KRT10: variants seen among roughly 807,000 people sequenced by gnomAD.
The protein encoded by KRT10 is keratin 10, also known as keratin, type I cytoskeletal 10.
In KRT10, 40 loss-of-function variants were observed where a neutral mutation model predicts 59.2. That is an observed-to-expected ratio of 0.68 (90% CI 0.52 to 0.88). The LOEUF (loss-of-function observed/expected upper bound fraction) is 0.88. KRT10 is among the 40% of genes least tolerant of loss of function. The probability of loss-of-function intolerance (pLI) is 0.00; values close to 1 mark genes in which losing one functional copy is unlikely to be tolerated. For missense variants in KRT10, 719 were observed against 749.1 expected (o/e 0.96, Z 0.47); for synonymous variants, 336 against 310.7 (o/e 1.08, Z -0.86).
chr17:40,822,578 A>G lies in KRT10; in HGVS notation c.8T>C (p.Val3Ala), dbSNP rs1905496274. The G allele has an allele frequency of 6.2e-7, 1 of 1,601,236 alleles. No homozygotes were observed. Among genetic ancestry groups the G allele is most frequent in the Non-Finnish European group, 8.5e-7 (1 of 1,179,930 alleles). MS[V>A]RYSSSKHYSS... ...GTAGTGCTTGCTTGAGCTGTATCGA[A>G]CAGACATGGTGATGCTGTTTAGCCC... Residue 3 changes from valine (V) to alanine (A), a missense_variant, in exon 1 of 8, where the codon GTT (valine) becomes GCT (alanine). Coordinates refer to ENST00000269576, the MANE Select transcript of KRT10 (RefSeq NM_000421.5).
rs1163824094 is a variant in KRT10 at position 40,818,894 on chromosome 17, G to A, written c.1641C>T (p.Ser547=). 2.1e-6 allele frequency: 3 copies of A among 1,447,292 alleles called. No homozygotes were observed. The highest frequency in any genetic ancestry group is 5.6e-5 in the East Asian group (2 of 35,606). 89.7% of individuals were successfully genotyped at this position (1,447,292 alleles called of 1,614,324 possible). Reference sequence around the variant, plus strand: ...CGCCGCCGGAGCTGCTGCCGCCGCCGGAGCTGCCGCCCCCGTAGCCGCCGC... The same window carrying A: ...CGCCGCCGGAGCTGCTGCCGCCGCCAGAGCTGCCGCCCCCGTAGCCGCCGC... ...GGGGGYGGGS[S]GGGSSSGGGY... is the part of the protein sequence containing the mutation. The change falls in exon 7 of 8, where the codon TCC becomes TCT. Residue 547 remains serine (S), a synonymous_variant. Coordinates refer to ENST00000269576, the MANE Select transcript of KRT10 (RefSeq NM_000421.5).
Position 40,822,475 on chromosome 17 carries a change from A to G in KRT10, c.111T>C (p.Ser37=), listed in dbSNP as rs776242983. The G allele has an allele frequency of 6.2e-7, 1 of 1,613,638 alleles. No homozygotes were observed. The highest frequency in any genetic ancestry group is 2.2e-5 in the East Asian group (1 of 44,866). The change falls in exon 1 of 8, where the codon TCT becomes TCC. Residue 37 remains serine (S), a synonymous_variant. Coordinates refer to ENST00000269576, the MANE Select transcript of KRT10 (RefSeq NM_000421.5). Reference sequence around the variant, plus strand: ...CTCCACCAAGGGAGCCTTTGCTGCTAGAAATTCTTAGGGATGACACTCCTC... The same window carrying G: ...CTCCACCAAGGGAGCCTTTGCTGCTGGAAATTCTTAGGGATGACACTCCTC... ...GGGGVSSLRI[S]SSKGSLGGGF... is the part of the protein sequence containing the mutation.
At chr17:40,819,240 A>G (rs1197746232) in intron 6 of KRT10, 79 bp from the exon 7 acceptor site, 19 of 1,583,392 alleles carry the variant, frequency 1.2e-5, no homozygotes, top group Non-Finnish European at 1.4e-5. Flanking sequence ...GTTAATTTAG[A>G]AAATAAGCAA....
intron 7 of KRT10, 100 bp downstream of exon 7, chr17:40,818,687 G>T: frequency 1.3e-6 from 2 of 1,569,568 alleles, no homozygotes; most frequent in Non-Finnish European, 1.7e-6. Flanking sequence ...CCGTCTCTAA[G>T]ATTTTTAATT....
rs748594551 is a variant in KRT10 at position 40,822,458 on chromosome 17, A to G, written c.128T>C (p.Leu43Pro). 3 of 1,613,526 alleles carry G rather than the reference A, an allele frequency of 1.9e-6. No homozygotes were observed. Among genetic ancestry groups the G allele is most frequent in the Non-Finnish European group, 2.5e-6 (3 of 1,179,832 alleles). Reference sequence around the variant, plus strand: ...CCCCCCTGAGCTAAATCCTCCACCAAGGGAGCCTTTGCTGCTAGAAATTCT... The same window carrying G: ...CCCCCCTGAGCTAAATCCTCCACCAGGGGAGCCTTTGCTGCTAGAAATTCT... ...SLRISSSKGSLGGGFSSGGFS... is the reference protein window; with the variant it reads ...SLRISSSKGSPGGGFSSGGFS... Residue 43 changes from leucine (L) to proline (P), a missense_variant, in exon 1 of 8, where the codon CTT (leucine) becomes CCT (proline). Coordinates refer to ENST00000269576, the MANE Select transcript of KRT10 (RefSeq NM_000421.5).
Position 40,820,684 on chromosome 17 carries a change from A to G in KRT10, c.711-17T>C. The G allele has an allele frequency of 6.2e-7, 1 of 1,613,978 alleles. No individual in the cohort carries two copies. The highest frequency in any genetic ancestry group is 1.1e-5 in the South Asian group (1 of 91,076). On this transcript the variant is annotated splice_polypyrimidine_tract_variant and intron_variant, in intron 2 of 7. Coordinates refer to ENST00000269576, the MANE Select transcript of KRT10 (RefSeq NM_000421.5). ...TTCTCATACCTGAAACAAGCATGAT[A>G]TCAATACTGGTTATAACTTATATAG...
chr17:40,820,764 T>C lies in KRT10; in HGVS notation c.711-97A>G, dbSNP rs1905337710. On this transcript the variant is annotated intron_variant, in intron 2 of 7. Transcript: ENST00000269576. Reference sequence around the variant, plus strand: ...AAAAGCAGCTACATAGTTGATCTCATGTAATGGCAATATTTGTCATGTACA... The same window carrying C: ...AAAAGCAGCTACATAGTTGATCTCACGTAATGGCAATATTTGTCATGTACA... The C allele has an allele frequency of 1.1e-5, 15 of 1,308,934 alleles. No homozygotes were observed. In the South Asian group the frequency reaches 1.8e-4, roughly 16 times the overall value. 81.1% of individuals were successfully genotyped at this position (1,308,934 alleles called of 1,614,324 possible). A position where few individuals can be genotyped will look rare whatever the true frequency, so the allele number is the denominator to read the frequency against.
Position 40,822,554 on chromosome 17 carries a change from T to C in KRT10, c.32A>G (p.Tyr11Cys). 6.2e-7 allele frequency: 1 copy of C among 1,604,742 alleles called. No individual in the cohort carries two copies. The highest frequency in any genetic ancestry group is 1.3e-5 in the African/African-American group (1 of 74,952). MSVRYSSSKH[Y>C]SSSRSGGGGG... ...TCCTCCTCCACTGCGGGAGGAAGAGTAGTGCTTGCTTGAGCTGTATCGAAC... is the reference window on the plus strand; with the variant it reads ...TCCTCCTCCACTGCGGGAGGAAGAGCAGTGCTTGCTTGAGCTGTATCGAAC... Residue 11 changes from tyrosine (Y) to cysteine (C), a missense_variant, in exon 1 of 8, where the codon TAC (tyrosine) becomes TGC (cysteine). By Grantham distance (194) the Tyr-to-Cys change is radical (BLOSUM62 -2). This residue lies in a region of KRT10 where 176 missense variants were observed against 175.7 expected (regional missense o/e 1.00). Coordinates refer to ENST00000269576, the MANE Select transcript of KRT10 (RefSeq NM_000421.5).
chr17:40,818,753 C>G, intron 7 of KRT10, 34 bp downstream of exon 7: 1 of 1,585,790 alleles, frequency 6.3e-7, no homozygotes, highest in Middle Eastern at 1.7e-4. Flanking sequence ...GAAGTTAAAA[C>G]TAATTCTGAT....
chr17:40,818,453 T>G lies in KRT10; in HGVS notation c.*23A>C, dbSNP rs768920029. ...CCGTCGGGCGCCACCTCTTCAATAA[T>G]TGTCTTGATTACTCTGGTTTTGTTA... On this transcript the variant is annotated 3_prime_UTR_variant, in exon 8 of 8. Transcript: ENST00000269576. 5.0e-6 allele frequency: 8 copies of G among 1,613,146 alleles called. No homozygotes were observed. The Middle Eastern group carries it at 4.9e-4, about 99-fold the overall frequency.
chr17:40,821,638 TATC>T (rs1414856805), intron 1 of KRT10, among the ~76,000 whole-genome samples: 2 of 152,218 alleles, frequency 1.3e-5, no homozygotes, highest in Non-Finnish European at 2.9e-5. Context: ...TTCTGATTCA[TATC>T]ATGATTTTTT....
Position 40,819,561 on chromosome 17 carries a change from C to T in KRT10, c.1329G>A (p.Glu443=). The change falls in exon 6 of 8, where the codon GAG becomes GAA. Residue 443 remains glutamate (E), a synonymous_variant. Coordinates refer to ENST00000269576, the MANE Select transcript of KRT10 (RefSeq NM_000421.5). ...GGCTGCGGTAGGTTTGAATTTCATT[C>T]TCCAGTCGGATCTTAATATCCAGGA... is the stretch of plus-strand genomic sequence containing the variant. ...QQLLDIKIRL[E]NEIQTYRSLL... is the part of the protein sequence containing the mutation. 2 of 1,614,210 alleles carry T rather than the reference C, an allele frequency of 1.2e-6. No homozygotes were observed. Among genetic ancestry groups the T allele is most frequent in the East Asian group, 2.2e-5 (1 of 44,890 alleles).
intron 5 of KRT10, 24 bp downstream of exon 5, chr17:40,820,025 G>A: frequency 6.2e-7 from 1 of 1,611,738 alleles, no homozygotes; most frequent in Non-Finnish European, 8.5e-7. Context: ...TAAAGTTGAA[G>A]TCATTTCATG....
At position 40,822,512 on chromosome 17, in the gene KRT10, C is replaced by G; in HGVS notation, c.74G>C (p.Cys25Ser). The G allele has an allele frequency of 6.2e-7, 1 of 1,611,616 alleles. No homozygotes were observed. The change falls in exon 1 of 8, where the codon TGT becomes TCT. Residue 25 changes from cysteine (C) to serine (S), a missense_variant. Around this residue, in one of 4 missense-constraint regions of KRT10, gnomAD observed 176 missense variants for 175.7 expected, o/e 1.00. Transcript: ENST00000269576. Reference sequence around the variant, plus strand: ...GGATGACACTCCTCCTCCTCCTCCACATCCTCCTCCTCCTCCTCCTCCTCC... The same window carrying G: ...GGATGACACTCCTCCTCCTCCTCCAGATCCTCCTCCTCCTCCTCCTCCTCC... ...RSGGGGGGGG[C>S]GGGGGVSSLR...
rs781330644 is a variant in KRT10, at chr17:40,822,121, G to T, written c.465C>A (p.Asp155Glu). 8.7e-6 allele frequency: 14 copies of T among 1,613,926 alleles called. No individual in the cohort carries two copies. In the Admixed American group the frequency reaches 2.3e-4, roughly 27 times the overall value. ...NEKVTMQNLN[D>E]RLASYLDKVR... ...CTTTGTCCAAGTAGGAAGCCAGGCG[G>T]TCATTCAGATTCTGCATGGTTACTT... Residue 155 changes from aspartate to glutamate, a missense_variant, in exon 1 of 8, where the codon GAC (aspartate) becomes GAA (glutamate). Asp to Glu is a conservative substitution (Grantham distance 45). Around this residue, in one of 4 missense-constraint regions of KRT10, gnomAD observed 7 missense variants for 24.9 expected, o/e 0.28. Transcript: ENST00000269576.
intron 7 of KRT10, 135 bp downstream of exon 7, chr17:40,818,652 A>G: frequency 7.0e-7 from 1 of 1,430,118 alleles, no homozygotes; most frequent in Non-Finnish European, 9.6e-7. Flanking sequence ...TGTTAAGAGT[A>G]GTTTGTGAAC....
In KRT10 at chr17:40,822,035, T is replaced by G; in HGVS notation, c.551A>C (p.Lys184Thr). The change falls in exon 1 of 8, where the codon AAG (lysine) becomes ACG (threonine). Residue 184 changes from lysine (K) to threonine (T), a missense_variant. Physicochemically the swap from Lys to Thr is moderately conservative, Grantham distance 78. Around this residue, in one of 4 missense-constraint regions of KRT10, gnomAD observed 221 missense variants for 277.8 expected, o/e 0.80. Transcript: ENST00000269576. ...CTCCCCCTGATGTGAGTTGCCATGC[T>G]TTTCATACCACTCCTTGATTTTGCC... is the stretch of plus-strand genomic sequence containing the variant. Reference protein sequence around the residue: ...LEGKIKEWYEKHGNSHQGEPR... With the variant: ...LEGKIKEWYETHGNSHQGEPR... 6.2e-7 allele frequency: 1 copy of G among 1,614,196 alleles called. No homozygotes were observed. Among genetic ancestry groups the G allele is most frequent in the Non-Finnish European group, 8.5e-7 (1 of 1,180,028 alleles).
Position 40,820,337 on chromosome 17 carries a change from C to G in KRT10, c.954G>C (p.Leu318=). Residue 318 remains leucine (L), a synonymous_variant, in exon 4 of 8, where the codon CTG becomes CTC. Transcript: ENST00000269576. ...GTTCATATTGGCTTCTCATGTTATTCAGAAGTTGAGTCAGATCAACACCCG... is the reference window on the plus strand; with the variant it reads ...GTTCATATTGGCTTCTCATGTTATTGAGAAGTTGAGTCAGATCAACACCCG... ...AAPGVDLTQL[L]NNMRSQYEQL... The G allele has an allele frequency of 6.2e-7, 1 of 1,614,172 alleles. No homozygotes were observed. Among genetic ancestry groups the G allele is most frequent in the Non-Finnish European group, 8.5e-7 (1 of 1,180,030 alleles).
chr17:40,820,691 C>T, intron 2 of KRT10, 24 bp from the exon 3 acceptor site: 1 of 1,613,386 alleles, frequency 6.2e-7, no homozygotes, highest in Non-Finnish European at 8.5e-7. Flanking sequence ...GATATCAATA[C>T]TGGTTATAAC....
Sources: allele counts gnomAD v4.1 joint callset (sites outside exome capture counted in the v4.1 genomes callset), GRCh38; gene constraint gnomAD v4.1.1; regional missense constraint gnomAD v4.1.1; transcripts MANE v1.5; gene names NCBI Gene and HGNC (gene_info 2026-07-23, HGNC 2026-07-21).